The following DLGAP2 variants were observed in gnomAD, a reference collection of about 807,000 sequenced individuals.
DLGAP2 encodes the protein disks large-associated protein 2.
A neutral mutation model predicts 100.3 loss-of-function variants in DLGAP2; 26 were observed. The ratio of observed to expected loss-of-function variants is 0.26; its 90% CI spans 0.19 to 0.36. The LOEUF (loss-of-function observed/expected upper bound fraction) is 0.36. Ranked by LOEUF, DLGAP2 falls within the 10% of genes least tolerant of loss-of-function variation. The pLI is 1.00. For missense variants in DLGAP2, 1,858 were observed against 1,453.2 expected (o/e 1.28, Z -4.53); for synonymous variants, 886 against 630.1 (o/e 1.41, Z -6.08).
intron 3 of DLGAP2, among the ~76,000 whole-genome samples, chr8:1,449,771 G>A (rs1194541769): frequency 6.6e-6 from 1 of 152,046 alleles, no homozygotes; most frequent in Non-Finnish European, 1.5e-5. Context: ...ACCAAGGGCC[G>A]CAGAGAAGGA....
intron 5 of DLGAP2, among the ~76,000 whole-genome samples, chr8:1,555,124 C>G (rs1397314253): frequency 6.6e-6 from 1 of 152,116 alleles, no homozygotes; most frequent in East Asian, 1.9e-4. Flanking sequence ...GGCCACACCT[C>G]ACTTCCAATC....
At chr8:1,700,179 T>G (rs1348643970) in intron 14 of DLGAP2, among the ~76,000 whole-genome samples, 1 of 152,180 alleles carries the variant, frequency 6.6e-6, no homozygotes, top group Non-Finnish European at 1.5e-5. Context: ...CTTCCCCCAA[T>G]CTACAAGCAC....
chr8:1,275,866 A>G (rs1270610524), intron 3 of DLGAP2, among the ~76,000 whole-genome samples: 3 of 100,610 alleles, frequency 3.0e-5, no homozygotes, highest in African/African-American at 1.1e-4. Flanking sequence ...ATATATAAAT[A>G]TATATAATAT....
At chr8:1,701,114 A>AG in intron 14 of DLGAP2, 74 bp from the exon 15 acceptor site, 6 of 1,412,352 alleles carry the variant, frequency 4.2e-6, no homozygotes, top group Non-Finnish European at 5.7e-6. Context: ...GCCAGGCCCC[A>AG]GGGCCGCTGA....
chr8:1,512,460 C>G (rs377357818), intron 4 of DLGAP2, among the ~76,000 whole-genome samples: 60 of 152,272 alleles, frequency 3.9e-4, no homozygotes, highest in African/African-American at 1.4e-3. Flanking sequence ...CAGTTCCGCA[C>G]TGACCTCGGT....
chr8:1,572,989 G>C (rs1294180033), intron 6 of DLGAP2, among the ~76,000 whole-genome samples: 1 of 116,846 alleles, frequency 8.6e-6, no homozygotes, highest in African/African-American at 3.3e-5. Context: ...GGGTGAACTG[G>C]AGGGGCGTCT....
chr8:1,691,715 AGAGT>A, intron 13 of DLGAP2, 89 bp downstream of exon 13: 1 of 1,160,686 alleles, frequency 8.6e-7, no homozygotes, highest in African/African-American at 1.5e-5. Context: ...TCCTTGTCAA[AGAGT>A]TCCCATCGGT....
intron 3 of DLGAP2, among the ~76,000 whole-genome samples, chr8:1,431,568 G>C (rs1026651919): frequency 6.6e-6 from 1 of 152,202 alleles, no homozygotes; most frequent in Admixed American, 6.5e-5. Flanking sequence ...CGAGTTCCCA[G>C]GCCAAAGGCA....
At chr8:974,309 A>G (rs1800108254) in intron 2 of DLGAP2, among the ~76,000 whole-genome samples, 1 of 152,224 alleles carries the variant, frequency 6.6e-6, no homozygotes, top group South Asian at 2.1e-4. Flanking sequence ...AAGGATAAGA[A>G]TTACTTAAGT....
chr8:1,155,648 C>T (rs546856156), intron 2 of DLGAP2, among the ~76,000 whole-genome samples: 1 of 150,928 alleles, frequency 6.6e-6, no homozygotes, highest in South Asian at 2.1e-4. Context: ...GCGGTCTTTC[C>T]GGACTCCGAG....
chr8:1,194,161 G>A (rs552781737), intron 2 of DLGAP2, among the ~76,000 whole-genome samples: 37 of 152,188 alleles, frequency 2.4e-4, no homozygotes, highest in Admixed American at 9.2e-4. Context: ...CTTGAGGGGC[G>A]GGGGAATTTT....
intron 3 of DLGAP2, among the ~76,000 whole-genome samples, chr8:1,382,944 G>C (rs1585320652): frequency 6.6e-6 from 1 of 152,148 alleles, no homozygotes; most frequent in Admixed American, 6.5e-5. Flanking sequence ...TGTGTAGAGA[G>C]AGACCCTAAT....
chr8:756,728 C>T (rs146212232), intron 1 of DLGAP2, among the ~76,000 whole-genome samples: 66 of 152,228 alleles, frequency 4.3e-4, no homozygotes, highest in African/African-American at 1.4e-3. Context: ...TGTCTCCCCA[C>T]GCAGGCTCTG....
At chr8:1,369,853 G>GAGGCGCA (rs1263062613) in intron 3 of DLGAP2, 3 of 149,320 alleles carry the variant, frequency 2.0e-5, no homozygotes, top group South Asian at 4.2e-4. Context: ...TTGGAGGCGC[G>GAGGCGCA]AGGCGCAAGG....
chr8:960,736 G>C (rs946308656), intron 2 of DLGAP2, among the ~76,000 whole-genome samples: 1 of 152,124 alleles, frequency 6.6e-6, no homozygotes, highest in Non-Finnish European at 1.5e-5. Context: ...GTTATAGCCC[G>C]ATAAACCTAT....
chr8:846,723 T>C (rs1797077576), intron 1 of DLGAP2, among the ~76,000 whole-genome samples: 1 of 152,184 alleles, frequency 6.6e-6, no homozygotes, highest in Non-Finnish European at 1.5e-5. Flanking sequence ...TGTTTTCCAT[T>C]CCCACCAGCA....
intron 2 of DLGAP2, among the ~76,000 whole-genome samples, chr8:1,045,677 C>G (rs548880370): frequency 2.6e-5 from 4 of 152,320 alleles, no homozygotes; most frequent in African/African-American, 9.6e-5. Flanking sequence ...CTTCTATTCG[C>G]TGCTTCTGTG....
At chr8:815,610 G>T (rs547069364) in intron 1 of DLGAP2, among the ~76,000 whole-genome samples, 1 of 152,134 alleles carries the variant, frequency 6.6e-6, no homozygotes, top group South Asian at 2.1e-4. Flanking sequence ...AAACAACTTG[G>T]TAAAGAAAAT....
chr8:1,355,255 C>T (rs965773718), intron 3 of DLGAP2, among the ~76,000 whole-genome samples: 2 of 152,272 alleles, frequency 1.3e-5, no homozygotes, highest in Non-Finnish European at 2.9e-5. Flanking sequence ...GTGCACAGCA[C>T]AGGCAGAGAG....
Sources: allele counts gnomAD v4.1 joint callset (sites outside exome capture counted in the v4.1 genomes callset), GRCh38; gene constraint gnomAD v4.1.1; transcripts MANE v1.5; gene names NCBI Gene and HGNC (gene_info 2026-07-23, HGNC 2026-07-21).